Variants in TTLL7 observed in about 807,000 individuals in gnomAD.
The protein encoded by TTLL7 is tubulin tyrosine ligase like 7, also known as tubulin polyglutamylase TTLL7.
TTLL7 carries 53 observed loss-of-function variants against 120.2 expected under a neutral mutation model. That is an observed-to-expected ratio of 0.44 (90% CI 0.35 to 0.55). TTLL7 has a LOEUF of 0.55. Among genes scored for constraint, TTLL7 ranks in the 20% least tolerant of loss-of-function variants. TTLL7 has a pLI of 0.00. For missense variants in TTLL7, 803 were observed against 1,054.7 expected (o/e 0.76, Z 3.31); for synonymous variants, 353 against 351.7 (o/e 1.00, Z -0.04).
At chr1:83,885,607 A>G (rs1654906818) in intron 19 of TTLL7, among the ~76,000 whole-genome samples, 1 of 152,022 alleles carries the variant, frequency 6.6e-6, no homozygotes, top group Non-Finnish European at 1.5e-5. Context: ...TCTACTCTAT[A>G]TATTAATCCA....
At chr1:83,886,430 T>G (rs1654979648) in intron 19 of TTLL7, among the ~76,000 whole-genome samples, 1 of 151,948 alleles carries the variant, frequency 6.6e-6, no homozygotes, top group Non-Finnish European at 1.5e-5. Context: ...ACAGAAAGAT[T>G]AATGACCTAA....
At chr1:83,904,749 T>C (rs1571134293) in intron 17 of TTLL7, among the ~76,000 whole-genome samples, 1 of 152,136 alleles carries the variant, frequency 6.6e-6, no homozygotes, top group Non-Finnish European at 1.5e-5. Context: ...TGATTTATCA[T>C]TCATAGTAAT....
intron 1 of TTLL7, among the ~76,000 whole-genome samples, chr1:83,994,039 C>T (rs146582656): frequency 1.3e-5 from 2 of 152,326 alleles, no homozygotes; most frequent in African/African-American, 4.8e-5. Flanking sequence ...CTTCTAAGAG[C>T]TTACAAACTT....
At chr1:83,934,809 T>C (rs771259899) in intron 8 of TTLL7, among the ~76,000 whole-genome samples, 16 of 152,282 alleles carry the variant, frequency 1.1e-4, no homozygotes, top group Admixed American at 8.5e-4. Context: ...CTCAGTCATG[T>C]TGCTTAAACT....
At position 83,998,911 on chromosome 1, in the gene TTLL7, T is replaced by C. The variant is rs1653734011; in HGVS notation, c.-177+20A>G. On this transcript the variant is annotated intron_variant, in intron 1 of 20. Transcript: ENST00000260505. Reference sequence around the variant, plus strand: ...GACATGGAAGGGGGTCGGGGGAGGATGGCGGCAGCAGGTACTCACCCGGGT... The same window carrying C: ...GACATGGAAGGGGGTCGGGGGAGGACGGCGGCAGCAGGTACTCACCCGGGT... 5.2e-6 allele frequency: 2 copies of C among 383,028 alleles called. No homozygotes were observed. The highest frequency in any genetic ancestry group is 2.2e-5 in the African/African-American group (1 of 45,728). 23.7% of individuals were successfully genotyped at this position (383,028 alleles called of 1,614,324 possible). A position where few individuals can be genotyped will look rare whatever the true frequency, so the allele number is the denominator to read the frequency against.
chr1:83,951,869 C>T lies in TTLL7; in HGVS notation c.133G>A (p.Val45Ile). ...KKKKGTITAN[V>I]AGTKFEIVRL... ...CCAATTTCAAACTTTGTCCCGGCAA[C>T]ATTTGCTGTAATGGTTCCCTTCTTT... The change falls in exon 3 of 21, where the codon GTT becomes ATT. Residue 45 changes from valine (V) to isoleucine (I), a missense_variant. Physicochemically the swap from Val to Ile is conservative, Grantham distance 29. Coordinates refer to ENST00000260505, the MANE Select transcript of TTLL7 (RefSeq NM_024686.6). 1 of 1,611,888 alleles carries T rather than the reference C, an allele frequency of 6.2e-7. No individual in the cohort carries two copies. Among genetic ancestry groups the T allele is most frequent in the Non-Finnish European group, 8.5e-7 (1 of 1,179,356 alleles).
chr1:83,944,817 T>A (rs1273037323), intron 6 of TTLL7, among the ~76,000 whole-genome samples: 1 of 152,216 alleles, frequency 6.6e-6, no homozygotes, highest in East Asian at 1.9e-4. Flanking sequence ...TATAAATCTA[T>A]GCTGATGGAC....
intron 17 of TTLL7, among the ~76,000 whole-genome samples, chr1:83,905,630 A>C (rs891233857): frequency 1.1e-4 from 17 of 151,738 alleles, no homozygotes; most frequent in South Asian, 8.3e-4. Context: ...TATGGCCCCC[A>C]AAAAACAAGG....
chr1:83,911,927 GA>G (rs1479319322), intron 14 of TTLL7, among the ~76,000 whole-genome samples: 1 of 152,056 alleles, frequency 6.6e-6, no homozygotes, highest in Non-Finnish European at 1.5e-5. Context: ...CATTGCCTGT[GA>G]GCCTATCCAT....
chr1:83,892,691 T>TGAACATATGAACATATATAA (rs1655763008), intron 18 of TTLL7, among the ~76,000 whole-genome samples: 1 of 147,404 alleles, frequency 6.8e-6, no homozygotes, highest in African/African-American at 2.6e-5. Context: ...AACATATATA[T>TGAACATATGAACATATATAA]GAACATATAT....
chr1:83,986,380 T>C (rs1408298996), intron 1 of TTLL7, among the ~76,000 whole-genome samples: 1 of 152,190 alleles, frequency 6.6e-6, no homozygotes, highest in African/African-American at 2.4e-5. Flanking sequence ...TACATCCATA[T>C]CAATTGATAC....
chr1:83,913,672 T>C (rs536779846), intron 14 of TTLL7, among the ~76,000 whole-genome samples: 29 of 152,354 alleles, frequency 1.9e-4, no homozygotes, highest in African/African-American at 6.5e-4. Context: ...TCAACAACTT[T>C]GAAATATAGC....
At chr1:83,878,835 C>T (rs546206359) in intron 20 of TTLL7, among the ~76,000 whole-genome samples, 71 of 151,916 alleles carry the variant, frequency 4.7e-4, no homozygotes, top group African/African-American at 1.6e-3. Context: ...TCTGAGAGTG[C>T]AAAGTTGAAG....
chr1:83,892,335 T>C (rs1557562245), intron 18 of TTLL7, among the ~76,000 whole-genome samples: 3 of 124,392 alleles, frequency 2.4e-5, no homozygotes, highest in Non-Finnish European at 3.5e-5. Context: ...TATGTATATA[T>C]GAATATATAT....
chr1:83,917,587 G>T lies in TTLL7; in HGVS notation c.1587+17C>A, dbSNP rs754417700. On this transcript the variant is annotated intron_variant, in intron 14 of 20. Transcript: ENST00000260505. ...GCATCTACTTTGATAAGTAAGGAAG[G>T]TAGAGATATACTGCACCTTTGGTCC... 2.5e-5 allele frequency: 40 copies of T among 1,569,798 alleles called. No individual in the cohort carries two copies. Among genetic ancestry groups the T allele is most frequent in the Non-Finnish European group, 3.3e-5 (38 of 1,140,122 alleles).
intron 8 of TTLL7, among the ~76,000 whole-genome samples, chr1:83,936,205 A>C (rs1328869511): frequency 6.6e-6 from 1 of 152,116 alleles, no homozygotes; most frequent in Non-Finnish European, 1.5e-5. Context: ...GTAGGAAAAA[A>C]CACCACTTAA....
chr1:83,989,471 T>G (rs1358268237), intron 1 of TTLL7, among the ~76,000 whole-genome samples: 1 of 152,160 alleles, frequency 6.6e-6, no homozygotes, highest in African/African-American at 2.4e-5. Flanking sequence ...TTGTTAACCA[T>G]GTGGCTTTAT....
chr1:83,914,610 G>C (rs879580660), intron 14 of TTLL7, among the ~76,000 whole-genome samples: 1 of 152,062 alleles, frequency 6.6e-6, no homozygotes, highest in East Asian at 1.9e-4. Flanking sequence ...GATTAGAGGC[G>C]TGAGCCACCG....
At chr1:83,898,821 T>C (rs773634413) in intron 18 of TTLL7, among the ~76,000 whole-genome samples, 4 of 151,860 alleles carry the variant, frequency 2.6e-5, no homozygotes, top group Non-Finnish European at 4.4e-5. Context: ...ATTTTTCTCT[T>C]ATTCCTGTCT....
Sources: allele counts gnomAD v4.1 joint callset (sites outside exome capture counted in the v4.1 genomes callset), GRCh38; gene constraint gnomAD v4.1.1; transcripts MANE v1.5; gene names NCBI Gene and HGNC (gene_info 2026-07-23, HGNC 2026-07-21).